The following PARD3B variants were observed in gnomAD, a reference collection of about 807,000 sequenced individuals.
PARD3B encodes the protein par-3 family cell polarity regulator beta.
PARD3B carries 103 observed loss-of-function variants against 130.2 expected under a neutral mutation model. That is an observed-to-expected ratio of 0.79 (90% CI 0.67 to 0.93). The LOEUF is 0.93. Among genes scored for constraint, PARD3B ranks in the 40% least tolerant of loss-of-function variants. The pLI is 0.00. For missense variants in PARD3B, 1,609 were observed against 1,499.2 expected (o/e 1.07, Z -1.21); for synonymous variants, 583 against 553.2 (o/e 1.05, Z -0.76).
intron 16 of PARD3B, among the ~76,000 whole-genome samples, chr2:205,295,740 A>T (rs764341076): frequency 6.6e-6 from 1 of 152,186 alleles, no homozygotes; most frequent in Non-Finnish European, 1.5e-5. Context: ...TGGGAAGTTC[A>T]AACATTGCCA....
chr2:205,147,775 C>A (rs2033468721), intron 10 of PARD3B, among the ~76,000 whole-genome samples: 1 of 152,144 alleles, frequency 6.6e-6, no homozygotes, highest in Non-Finnish European at 1.5e-5. Context: ...TAACCTATAT[C>A]TTAAAAGTTT....
At chr2:205,061,862 C>G (rs762181325) in intron 4 of PARD3B, among the ~76,000 whole-genome samples, 2 of 151,608 alleles carry the variant, frequency 1.3e-5, no homozygotes, top group Non-Finnish European at 2.9e-5. Context: ...TCAATGAACC[C>G]AGCCCTGGCT....
At chr2:205,237,735 A>G (rs1022519596) in intron 15 of PARD3B, among the ~76,000 whole-genome samples, 1 of 152,220 alleles carries the variant, frequency 6.6e-6, no homozygotes, top group Admixed American at 6.5e-5. Flanking sequence ...GTGGTCAGTT[A>G]TATATAACCG....
At chr2:205,512,169 T>G (rs974286995) in intron 21 of PARD3B, among the ~76,000 whole-genome samples, 1 of 152,162 alleles carries the variant, frequency 6.6e-6, no homozygotes, top group Non-Finnish European at 1.5e-5. Context: ...TACTAACGTC[T>G]ATGACTTTCC....
rs545006401 is a variant in PARD3B at position 204,577,690 on chromosome 2, G to C, written c.120+31571G>C. On this transcript the variant is annotated intron_variant, in intron 1 of 22. Transcript: ENST00000406610. The stretch of plus-strand genomic sequence containing the variant: ...GGGTTCAAAGGATATTCTCACTTCA[G>C]CCTCCTAAGGAGCTGGGACTACAGC... Among the ~76,000 whole-genome samples, 8 of 152,204 alleles carry C rather than the reference G, an allele frequency of 5.3e-5. No homozygotes were observed. In the South Asian group the frequency reaches 1.7e-3, roughly 32 times the overall value.
chr2:204,710,550 G>A (rs1389649903), intron 2 of PARD3B, among the ~76,000 whole-genome samples: 1 of 152,194 alleles, frequency 6.6e-6, no homozygotes, highest in African/African-American at 2.4e-5. Context: ...AAAGTCTTGG[G>A]CACTCATTGG....
chr2:205,602,817 GATTC>G (rs760062019), intron 22 of PARD3B, among the ~76,000 whole-genome samples: 12 of 152,026 alleles, frequency 7.9e-5, no homozygotes, highest in Admixed American at 1.3e-4. Flanking sequence ...CCAGCTCTTG[GATTC>G]ATTGATTTTT....
chr2:205,004,675 A>C (rs1043393497), intron 3 of PARD3B, among the ~76,000 whole-genome samples: 1 of 152,202 alleles, frequency 6.6e-6, no homozygotes, highest in Non-Finnish European at 1.5e-5. Context: ...TATTTTCATA[A>C]ATTAAATTAA....
chr2:204,715,707 G>C (rs1460523612), intron 2 of PARD3B, among the ~76,000 whole-genome samples: 1 of 152,108 alleles, frequency 6.6e-6, no homozygotes, highest in Non-Finnish European at 1.5e-5. Flanking sequence ...TTGGCTCTTT[G>C]CAGCCTAATT....
At chr2:204,642,005 A>G (rs866127025) in intron 1 of PARD3B, among the ~76,000 whole-genome samples, 1 of 152,148 alleles carries the variant, frequency 6.6e-6, no homozygotes, top group Non-Finnish European at 1.5e-5. Context: ...GTATCTCAGA[A>G]AAAAAAATAG....
chr2:205,053,055 T>C lies in PARD3B; in HGVS notation c.504+5365T>C, dbSNP rs73055001. Among the ~76,000 whole-genome samples, 1,005 of 152,246 alleles carry C rather than the reference T, an allele frequency of 6.6e-3. 16 individuals carry two copies. The highest frequency in any genetic ancestry group is 0.023 in the African/African-American group (967 of 41,556). ...GAGGATAGTGGCAGGTGGCTGCTAG[T>C]GAGAGTGCATTTTTACAGTGAGTGG... On this transcript the variant is annotated intron_variant, in intron 4 of 22. Transcript: ENST00000406610.
intron 3 of PARD3B, among the ~76,000 whole-genome samples, chr2:205,003,198 C>G (rs1308011630): frequency 1.3e-5 from 2 of 152,196 alleles, no homozygotes; most frequent in African/African-American, 4.8e-5. Flanking sequence ...TCCCTCTTCA[C>G]TTTTATAGGG....
chr2:204,767,062 A>G (rs1283061640), intron 2 of PARD3B, among the ~76,000 whole-genome samples: 5 of 117,258 alleles, frequency 4.3e-5, no homozygotes, highest in Non-Finnish European at 8.6e-5. Context: ...GGTTAGTTAC[A>G]TATGTATACA....
chr2:204,658,703 T>C (rs906068948), intron 1 of PARD3B, among the ~76,000 whole-genome samples: 3 of 152,206 alleles, frequency 2.0e-5, no homozygotes, highest in African/African-American at 7.2e-5. Flanking sequence ...GCTAGATTTC[T>C]AGAAAATATG....
intron 15 of PARD3B, among the ~76,000 whole-genome samples, chr2:205,212,240 A>G (rs919853861): frequency 1.3e-4 from 20 of 152,094 alleles, no homozygotes; most frequent in Admixed American, 3.9e-4. Flanking sequence ...GACTTTAATG[A>G]TAAAAGTCTC....
Position 204,965,233 on chromosome 2 carries a change from G to A in PARD3B, c.304G>A (p.Asp102Asn), listed in dbSNP as rs759107141. 1.9e-6 allele frequency: 3 copies of A among 1,613,948 alleles called. No individual in the cohort carries two copies. In the Admixed American group the frequency reaches 5.0e-5, roughly 27 times the overall value. ...AAACCCTGCAGATCGGCAGAGCCCA[G>A]ATGCTTTTGAGACAGAAGTGGCCGC... ...SGNPADRQSP[D>N]AFETEVAAQL... is the part of the protein sequence containing the mutation. Residue 102 changes from aspartate to asparagine, a missense_variant, in exon 3 of 23, where the codon GAT becomes AAT. Physicochemically the swap from Asp to Asn is conservative, Grantham distance 23. Transcript: ENST00000406610.
chr2:205,497,166 G>C (rs1575165683), intron 20 of PARD3B, among the ~76,000 whole-genome samples: 1 of 132,764 alleles, frequency 7.5e-6, no homozygotes, highest in Non-Finnish European at 1.6e-5. Flanking sequence ...TAAAGAAAGA[G>C]AATTAGAACT....
intron 2 of PARD3B, among the ~76,000 whole-genome samples, chr2:204,810,873 G>C (rs572712424): frequency 6.6e-6 from 1 of 151,914 alleles, no homozygotes; most frequent in Non-Finnish European, 1.5e-5. Context: ...GAATAGTTTC[G>C]GTAGGAATGG....
intron 2 of PARD3B, among the ~76,000 whole-genome samples, chr2:204,911,611 A>G (rs141078394): frequency 1.3e-5 from 2 of 152,188 alleles, no homozygotes; most frequent in Non-Finnish European, 2.9e-5. Context: ...AGTCTGCAAC[A>G]GTGTTGTTCT....
Sources: allele counts gnomAD v4.1 joint callset (sites outside exome capture counted in the v4.1 genomes callset), GRCh38; gene constraint gnomAD v4.1.1; transcripts MANE v1.5; gene names NCBI Gene and HGNC (gene_info 2026-07-23, HGNC 2026-07-21).